RAF1: variants seen among roughly 807,000 people sequenced by gnomAD.
RAF1 encodes the protein RAF proto-oncogene serine/threonine-protein kinase.
Under a neutral mutation model 81.1 loss-of-function variants are expected in RAF1, and 27 were observed. The ratio of observed to expected loss-of-function variants is 0.33; its 90% CI spans 0.25 to 0.46. RAF1 has a LOEUF of 0.46. Ranked by LOEUF, RAF1 falls within the 20% of genes least tolerant of loss-of-function variation. The pLI is 1.00. For missense variants in RAF1, 598 were observed against 826.0 expected (o/e 0.72, Z 3.38); for synonymous variants, 298 against 294.0 (o/e 1.01, Z -0.14).
chr3:12,614,156 T>C (rs2059301587), intron 2 of RAF1, among the ~76,000 whole-genome samples: 1 of 152,114 alleles, frequency 6.6e-6, no homozygotes, highest in Non-Finnish European at 1.5e-5. Context: ...GGAAAAGAAA[T>C]GGGGATACAG....
intron 2 of RAF1, among the ~76,000 whole-genome samples, chr3:12,613,978 T>C (rs1366566474): frequency 6.6e-6 from 1 of 152,124 alleles, no homozygotes; most frequent in Non-Finnish European, 1.5e-5. Context: ...AGGAAAAGAT[T>C]CTCCAAACGA....
At chr3:12,601,552 T>G (rs1396731938) in intron 8 of RAF1, among the ~76,000 whole-genome samples, 1 of 152,178 alleles carries the variant, frequency 6.6e-6, no homozygotes, top group Non-Finnish European at 1.5e-5. Flanking sequence ...AAGGACATTT[T>G]TTGGGGGGAA....
chr3:12,646,540 A>C (rs1054086147), intron 1 of RAF1, among the ~76,000 whole-genome samples: 2 of 148,926 alleles, frequency 1.3e-5, no homozygotes, highest in Non-Finnish European at 3.0e-5. Flanking sequence ...ACGCCCTGCT[A>C]ATTTTTGTAT....
At chr3:12,643,742 A>T (rs2125540577) in intron 1 of RAF1, among the ~76,000 whole-genome samples, 1 of 152,056 alleles carries the variant, frequency 6.6e-6, no homozygotes, top group Admixed American at 6.6e-5. Flanking sequence ...GTCTCAAAAA[A>T]AAAAAAATAA....
rs371820097 is a variant in RAF1 at position 12,583,765 on chromosome 3, C to CTGTT, written c.*745_*748dup. 0.014 allele frequency: 3,367 copies of CTGTT among 233,452 alleles called. 33 individuals are homozygous for CTGTT. The highest frequency in any genetic ancestry group is 0.022 in the Middle Eastern group (17 of 786). The allele number at this position is 233,452 out of a possible 1,614,324, so 14.5% of individuals were successfully genotyped here. A position where few individuals can be genotyped will look rare whatever the true frequency, so the allele number is the denominator to read the frequency against. ...ACATGATGTGACTAGAGAAACAAGG[C>CTGTT]TGTTTGTTTGTTTGTTTGTTAGAGA... On this transcript the variant is annotated 3_prime_UTR_variant, in exon 18 of 18. Coordinates refer to ENST00000442415, the MANE Select transcript of RAF1 (RefSeq NM_001354689.3).
chr3:12,649,116 G>GA (rs1272637690), intron 1 of RAF1, among the ~76,000 whole-genome samples: 1 of 151,826 alleles, frequency 6.6e-6, no homozygotes, highest in South Asian at 2.1e-4. Context: ...CTCAGTCTCA[G>GA]AAAAAAAGAA....
At chr3:12,608,605 C>T in intron 5 of RAF1, 161 bp downstream of exon 5, 1 of 807,198 alleles carries the variant, frequency 1.2e-6, no homozygotes, top group Non-Finnish European at 2.0e-6. Context: ...CCAAACCTAG[C>T]TAGTTTCAGA....
chr3:12,614,889 A>G (rs1229515766), intron 2 of RAF1, among the ~76,000 whole-genome samples: 1 of 152,236 alleles, frequency 6.6e-6, no homozygotes, highest in Non-Finnish European at 1.5e-5. Context: ...AAACATACCT[A>G]ACGGAATCAT....
chr3:12,646,133 T>A, intron 1 of RAF1, among the ~76,000 whole-genome samples: 1 of 152,150 alleles, frequency 6.6e-6, no homozygotes, highest in East Asian at 1.9e-4. Flanking sequence ...AGATGGTGTA[T>A]CAAAAATCTA....
At chr3:12,661,960 G>A (rs978174352) in intron 1 of RAF1, among the ~76,000 whole-genome samples, 4 of 151,158 alleles carry the variant, frequency 2.6e-5, no homozygotes, top group Non-Finnish European at 4.4e-5. Flanking sequence ...TGAAGCTGGA[G>A]GATCACTTGA....
chr3:12,612,194 G>A, intron 2 of RAF1, 132 bp from the exon 3 acceptor site: 3 of 722,950 alleles, frequency 4.1e-6, no homozygotes, highest in South Asian at 2.9e-5. Context: ...GAAACAACCT[G>A]AATGTCCAGC....
intron 5 of RAF1, 102 bp downstream of exon 5, chr3:12,608,664 G>T: frequency 1.5e-6 from 2 of 1,294,042 alleles, no homozygotes; most frequent in Non-Finnish European, 2.2e-6. Context: ...CATTAAATGA[G>T]TCTAGAATCC....
At chr3:12,601,123 A>G (rs980918127) in intron 8 of RAF1, among the ~76,000 whole-genome samples, 1 of 152,242 alleles carries the variant, frequency 6.6e-6, no homozygotes, top group Non-Finnish European at 1.5e-5. Context: ...GAAAAAGGTA[A>G]GCAGCCTATA....
chr3:12,587,761 T>C (rs1045361444), intron 13 of RAF1, 124 bp from the exon 13 acceptor site: 189 of 794,578 alleles, frequency 2.4e-4, no homozygotes, highest in Non-Finnish European at 7.9e-5. Context: ...CACACAGGGA[T>C]AGACCCTGTG....
At chr3:12,596,962 G>A (rs753514896) in intron 11 of RAF1, among the ~76,000 whole-genome samples, 4 of 151,046 alleles carry the variant, frequency 2.6e-5, no homozygotes, top group South Asian at 2.1e-4. Flanking sequence ...GGAGTGGCAC[G>A]ATCTCGGCTC....
At chr3:12,624,194 G>A (rs2059631904) in intron 1 of RAF1, among the ~76,000 whole-genome samples, 1 of 151,996 alleles carries the variant, frequency 6.6e-6, no homozygotes, top group African/African-American at 2.4e-5. Context: ...ACAAACGATA[G>A]GTCATATTTG....
chr3:12,594,037 G>A (rs559497600), intron 11 of RAF1, among the ~76,000 whole-genome samples: 10 of 152,288 alleles, frequency 6.6e-5, no homozygotes, highest in African/African-American at 1.9e-4. Context: ...AGAAATAAAG[G>A]TGAGGTGAGG....
At chr3:12,633,838 G>C (rs1391173149) in intron 1 of RAF1, among the ~76,000 whole-genome samples, 1 of 151,178 alleles carries the variant, frequency 6.6e-6, no homozygotes. Flanking sequence ...GGGAGGCTGA[G>C]GCAGGAGAAT....
At chr3:12,589,793 GTTTTTT>G in intron 13 of RAF1, 1 of 138,614 alleles carries the variant, frequency 7.2e-6, no homozygotes, top group Non-Finnish European at 1.5e-5. Flanking sequence ...GTTTTTTTGG[GTTTTTT>G]TTTTTTTTTC....
Sources: gnomAD v4.1 joint callset for allele counts (sites outside exome capture counted in the v4.1 genomes callset) on GRCh38, gnomAD v4.1.1 for gene constraint, MANE v1.5 for transcripts, NCBI Gene and HGNC (gene_info 2026-07-23, HGNC 2026-07-21) for gene names.